Variants in RPTOR observed in about 807,000 individuals in gnomAD.
RPTOR encodes the protein regulatory associated protein of MTOR complex 1, also known as regulatory-associated protein of mTOR.
In RPTOR, 21 loss-of-function variants were observed where a neutral mutation model predicts 169.9. The observed-to-expected ratio is 0.12, with a 90% CI of 0.09 to 0.18. The LOEUF is 0.18. RPTOR is among the 10% of genes least tolerant of loss of function. RPTOR has a pLI of 1.00. For missense variants in RPTOR, 1,133 were observed against 1,855.9 expected, an observed-to-expected ratio of 0.61 and a Z score of 7.16; for synonymous variants, 732 against 753.2, an observed-to-expected ratio of 0.97 and a Z score of 0.46.
At chr17:80,731,651 T>G (rs534403023) in intron 5 of RPTOR, among the ~76,000 whole-genome samples, 1 of 152,264 alleles carries the variant, frequency 6.6e-6, no homozygotes, top group African/African-American at 2.4e-5. Context: ...AGTGTCAGAA[T>G]GAAATATTCT....
chr17:80,574,791 G>A (rs2064945570), intron 1 of RPTOR, among the ~76,000 whole-genome samples: 1 of 150,996 alleles, frequency 6.6e-6, no homozygotes, highest in Non-Finnish European at 1.5e-5. Flanking sequence ...AAGTAGCTGG[G>A]ACTACAGATG....
At chr17:80,694,699 G>C (rs1378804126) in intron 3 of RPTOR, among the ~76,000 whole-genome samples, 2 of 152,214 alleles carry the variant, frequency 1.3e-5, no homozygotes, top group Non-Finnish European at 2.9e-5. Context: ...ATTTTCCCGA[G>C]GAGATGTGGT....
At position 80,646,433 on chromosome 17, in the gene RPTOR, G is replaced by C. The variant is rs1455701172; in HGVS notation, c.348+2623G>C. ...CACACTGCTCCTCACAGCTTTCCGT[G>C]GGTTACAGGACAGAGGGAGGGAGGC... On this transcript the variant is annotated intron_variant, in intron 3 of 33. Transcript: ENST00000306801. The surrounding 1 kb of genome is among the most constrained non-coding windows in gnomAD (Gnocchi z 5.0). 6.6e-6 allele frequency among the ~76,000 whole-genome samples: 1 copy of C among 152,150 alleles called. No individual in the cohort carries two copies. Among genetic ancestry groups the C allele is most frequent in the Non-Finnish European group, 1.5e-5 (1 of 68,028 alleles).
At chr17:80,863,306 A>G (rs940411014) in intron 13 of RPTOR, among the ~76,000 whole-genome samples, 2 of 151,632 alleles carry the variant, frequency 1.3e-5, no homozygotes, top group East Asian at 1.9e-4. Context: ...CCCCAGCATC[A>G]CTCCCCATGC....
intron 11 of RPTOR, among the ~76,000 whole-genome samples, chr17:80,852,282 T>C (rs1384493863): frequency 6.6e-6 from 1 of 152,154 alleles, no homozygotes; most frequent in Non-Finnish European, 1.5e-5. Context: ...AAGTTAGGAA[T>C]CTAAGCCAAT....
chr17:80,751,895 T>G (rs1056191975), intron 5 of RPTOR, among the ~76,000 whole-genome samples: 11 of 152,230 alleles, frequency 7.2e-5, no homozygotes, highest in African/African-American at 2.7e-4. Flanking sequence ...AGCCTCATTC[T>G]GTACCTTGTT....
chr17:80,635,896 G>C (rs887602087), intron 2 of RPTOR, among the ~76,000 whole-genome samples: 1 of 152,090 alleles, frequency 6.6e-6, no homozygotes, highest in Admixed American at 6.5e-5. Context: ...TCAGTGATGG[G>C]TTTGCTCTGC....
At chr17:80,722,130 C>T (rs1371931793) in intron 4 of RPTOR, among the ~76,000 whole-genome samples, 1 of 151,044 alleles carries the variant, frequency 6.6e-6, no homozygotes, top group Admixed American at 6.6e-5. Flanking sequence ...TTCTTCCTTT[C>T]CTTCCCTCCA....
At chr17:80,836,289 G>A (rs942778866) in intron 9 of RPTOR, among the ~76,000 whole-genome samples, 4 of 152,230 alleles carry the variant, frequency 2.6e-5, no homozygotes, top group Non-Finnish European at 5.9e-5. Flanking sequence ...AAAGTCACAC[G>A]GGGCTGCTCA....
At chr17:80,787,206 T>G (rs1300544936) in intron 6 of RPTOR, among the ~76,000 whole-genome samples, 1 of 152,224 alleles carries the variant, frequency 6.6e-6, no homozygotes, top group Non-Finnish European at 1.5e-5. Flanking sequence ...ATTAAAGGCT[T>G]TAGTGCTGAA....
At chr17:80,932,023 A>T (rs1456495810) in intron 24 of RPTOR, among the ~76,000 whole-genome samples, 1 of 152,096 alleles carries the variant, frequency 6.6e-6, no homozygotes, top group Non-Finnish European at 1.5e-5. Flanking sequence ...GAGGAATCCG[A>T]AGCTGGCCAC....
chr17:80,690,261 G>A lies in RPTOR; in HGVS notation c.349-17580G>A, dbSNP rs112987306. Among the ~76,000 whole-genome samples, 358 of 151,678 alleles carry A rather than the reference G, an allele frequency of 2.4e-3. 2 individuals carry two copies. Among genetic ancestry groups the A allele is most frequent in the African/African-American group, 8.3e-3 (342 of 41,298 alleles). On this transcript the variant is annotated intron_variant, in intron 3 of 33. Coordinates refer to ENST00000306801, the MANE Select transcript of RPTOR (RefSeq NM_020761.3). ...TTAGGAAGCAAATCCCAGACTTCATGTAATTTCACCTGTCAATATTTCTGA... is the reference window on the plus strand; with the variant it reads ...TTAGGAAGCAAATCCCAGACTTCATATAATTTCACCTGTCAATATTTCTGA...
rs561296775 is a variant in RPTOR at position 80,871,541 on chromosome 17, C to A, written c.1510-8874C>A. On this transcript the variant is annotated intron_variant, in intron 13 of 33. Coordinates refer to ENST00000306801, the MANE Select transcript of RPTOR (RefSeq NM_020761.3). ...AGACCCGGCTGAGGTCAGGCGTCCC[C>A]CGGGTGAAGCCGCTGCTGCCGCCCC... Among the ~76,000 whole-genome samples the A allele has an allele frequency of 5.9e-5, 9 of 152,300 alleles. No homozygotes were observed. In the South Asian group the frequency reaches 1.9e-3, roughly 32 times the overall value.
chr17:80,761,529 C>T (rs549353349), intron 6 of RPTOR, among the ~76,000 whole-genome samples: 2 of 152,316 alleles, frequency 1.3e-5, no homozygotes, highest in South Asian at 2.1e-4. Flanking sequence ...CTCAGCGTGG[C>T]TCTGTCTGGC....
At chr17:80,685,649 T>A (rs1271118388) in intron 3 of RPTOR, among the ~76,000 whole-genome samples, 10 of 107,874 alleles carry the variant, frequency 9.3e-5, no homozygotes, top group Admixed American at 2.1e-4. Flanking sequence ...TTTTTTTTTT[T>A]TTTTTTTTGC....
intron 3 of RPTOR, among the ~76,000 whole-genome samples, chr17:80,680,414 T>C (rs550072752): frequency 6.6e-6 from 1 of 152,216 alleles, no homozygotes; most frequent in African/African-American, 2.4e-5. Flanking sequence ...GGTAGGTGGA[T>C]CATGAGGCCA....
intron 7 of RPTOR, among the ~76,000 whole-genome samples, chr17:80,815,549 A>G (rs1411532041): frequency 6.6e-6 from 1 of 152,214 alleles, no homozygotes; most frequent in Admixed American, 6.5e-5. Flanking sequence ...TAAGTGGGGA[A>G]GTGACATGGC....
intron 5 of RPTOR, among the ~76,000 whole-genome samples, chr17:80,744,793 CCCTGGCTACTAGCACTGT>C (rs2066549646): frequency 3.2e-5 from 3 of 94,560 alleles, no homozygotes; most frequent in East Asian, 2.4e-4. Flanking sequence ...ACTAGCACAG[CCCTGGCTACTAGCACTGT>C]CCTGGCTACT....
chr17:80,952,335 G>A (rs1308431315), intron 28 of RPTOR, among the ~76,000 whole-genome samples: 1 of 152,234 alleles, frequency 6.6e-6, no homozygotes, highest in African/African-American at 2.4e-5. Flanking sequence ...ATCTTCGTCA[G>A]GTGCTCACGG....
Sources: allele counts gnomAD v4.1 joint callset (sites outside exome capture counted in the v4.1 genomes callset), GRCh38; gene constraint gnomAD v4.1.1; non-coding constraint Gnocchi (gnomAD v3.1); transcripts MANE v1.5; gene names NCBI Gene and HGNC (gene_info 2026-07-23, HGNC 2026-07-21).